Variants in HDHD2 observed in about 807,000 individuals in gnomAD.
The protein encoded by HDHD2 is haloacid dehalogenase like hydrolase domain containing 2, also known as haloacid dehalogenase-like hydrolase domain-containing protein 2.
A neutral mutation model predicts 24.8 loss-of-function variants in HDHD2; 26 were observed. The observed-to-expected ratio is 1.05, with a 90% confidence interval of 0.77 to 1.45. The LOEUF is 1.45. HDHD2 is among the 40% of genes most tolerant of loss of function. The pLI is 0.00. For missense variants in HDHD2, 299 were observed against 313.4 expected, an observed-to-expected ratio of 0.95 and a Z score of 0.35; for synonymous variants, 128 against 114.9, an observed-to-expected ratio of 1.11 and a Z score of -0.73.
rs1241528892 is a variant in HDHD2 at position 47,130,397 on chromosome 18, G to C, written c.311-69C>G. The C allele has an allele frequency of 2.9e-6, 3 of 1,040,776 alleles. No homozygotes were observed. The African/African-American group carries it at 4.9e-5, about 17-fold the overall frequency. 64.5% of individuals were successfully genotyped at this position (1,040,776 alleles called of 1,614,324 possible). A position where few individuals can be genotyped will look rare whatever the true frequency, so the allele number is the denominator to read the frequency against. On this transcript the variant is annotated intron_variant, in intron 3 of 6. Transcript: ENST00000300605. ...AGCAATGTCACATTTTAAAAAAGTA[G>C]TCTTAGTCAATCAAGTGCAAACTTT...
At chr18:47,138,808 T>G (rs1351333458) in intron 1 of HDHD2, among the ~76,000 whole-genome samples, 1 of 152,232 alleles carries the variant, frequency 6.6e-6, no homozygotes, top group Non-Finnish European at 1.5e-5. Flanking sequence ...CAAAAGACCC[T>G]CATTCCAGAG....
At chr18:47,147,213 T>C (rs1423397306) in intron 1 of HDHD2, among the ~76,000 whole-genome samples, 1 of 152,148 alleles carries the variant, frequency 6.6e-6, no homozygotes, top group African/African-American at 2.4e-5. Context: ...ATGTATCTGA[T>C]GAAAGAGGGA....
intron 4 of HDHD2, among the ~76,000 whole-genome samples, chr18:47,121,140 T>C (rs1244029574): frequency 1.3e-5 from 2 of 148,682 alleles, no homozygotes; most frequent in Non-Finnish European, 3.0e-5. Flanking sequence ...AGCGCGATAA[T>C]GCAAAGTGCA....
rs964987687 is a variant in HDHD2, at chr18:47,115,397, T to C, written c.396-49A>G. 3 of 1,374,214 alleles carry C rather than the reference T, an allele frequency of 2.2e-6. No individual in the cohort carries two copies. The South Asian group carries it at 3.7e-5, about 17-fold the overall frequency. 85.1% of individuals were successfully genotyped at this position (1,374,214 alleles called of 1,614,324 possible). ...AACAAATTGGCTAAAAGCAAGGCTT[T>C]TATGACTGGGAACGAATGTCAGACT... On this transcript the variant is annotated intron_variant, in intron 4 of 6. Coordinates refer to ENST00000300605, the MANE Select transcript of HDHD2 (RefSeq NM_032124.5).
chr18:47,113,364 G>T (rs578252342), intron 5 of HDHD2, among the ~76,000 whole-genome samples: 1 of 152,288 alleles, frequency 6.6e-6, no homozygotes, highest in South Asian at 2.1e-4. Context: ...ACAGATCATG[G>T]AAAAATGCAT....
At chr18:47,112,764 C>T (rs1281876304) in intron 6 of HDHD2, among the ~76,000 whole-genome samples, 1 of 152,186 alleles carries the variant, frequency 6.6e-6, no homozygotes, top group Non-Finnish European at 1.5e-5. Context: ...TGGGAAAGTA[C>T]TAAAGTACCT....
intron 4 of HDHD2, among the ~76,000 whole-genome samples, chr18:47,123,799 T>C (rs753249435): frequency 6.6e-6 from 1 of 152,234 alleles, no homozygotes; most frequent in Non-Finnish European, 1.5e-5. Flanking sequence ...ATGTACATAC[T>C]GTCCAAATCC....
At chr18:47,146,619 A>G (rs1331412759) in intron 1 of HDHD2, among the ~76,000 whole-genome samples, 1 of 152,246 alleles carries the variant, frequency 6.6e-6, no homozygotes, top group Non-Finnish European at 1.5e-5. Flanking sequence ...AGAATGGATA[A>G]ATAAGTTGTG....
At chr18:47,109,850 G>A in intron 6 of HDHD2, 2 of 336,276 alleles carry the variant, frequency 5.9e-6, no homozygotes, top group Non-Finnish European at 8.5e-6. Context: ...AGAAGACTAA[G>A]TTATTTGAGA....
At chr18:47,121,265 C>T (rs1401293246) in intron 4 of HDHD2, among the ~76,000 whole-genome samples, 2 of 152,116 alleles carry the variant, frequency 1.3e-5, no homozygotes, top group African/African-American at 2.4e-5. Context: ...CAAACACCTA[C>T]CATATGTCCA....
intron 6 of HDHD2, chr18:47,111,416 A>C (rs1411198824): frequency 1.0e-6 from 1 of 983,344 alleles, no homozygotes; most frequent in African/African-American, 1.7e-5. Flanking sequence ...TCATGGGAAT[A>C]ATACACAAGA....
intron 1 of HDHD2, among the ~76,000 whole-genome samples, chr18:47,138,666 A>G (rs1260072280): frequency 6.6e-6 from 1 of 152,244 alleles, no homozygotes; most frequent in African/African-American, 2.4e-5. Context: ...ATATATAAAT[A>G]TACAAAATGA....
At chr18:47,111,095 A>G in intron 6 of HDHD2, 1 of 985,420 alleles carries the variant, frequency 1.0e-6, no homozygotes, top group Non-Finnish European at 1.2e-6. Context: ...AGGGTTATTC[A>G]TGATTTTTCT....
At chr18:47,150,188 G>C (rs1313287136) in intron 1 of HDHD2, 190 bp downstream of exon 1, 1 of 152,340 alleles carries the variant, frequency 6.6e-6, no homozygotes, top group Non-Finnish European at 1.5e-5. Context: ...CGCACGCGCG[G>C]GGCCACTGCA....
At chr18:47,108,856 C>A in intron 6 of HDHD2, 71 bp from the exon 7 acceptor site, 1 of 862,168 alleles carries the variant, frequency 1.2e-6, no homozygotes, top group Non-Finnish European at 2.0e-6. Context: ...CCCATGAGCA[C>A]CTGGGTCATC....
Position 47,119,817 on chromosome 18 carries a change from T to C in HDHD2, c.396-4469A>G, listed in dbSNP as rs2576032. On this transcript the variant is annotated intron_variant, in intron 4 of 6. Coordinates refer to ENST00000300605, the MANE Select transcript of HDHD2 (RefSeq NM_032124.5). ...GGCCTTACAAAATATATTTTTTAAA[T>C]AGTAAGACTTGAAAGTCAAAACGAC... Among the ~76,000 whole-genome samples the C allele has an allele frequency of 6.9e-3, 1,051 of 152,316 alleles. 10 individuals are homozygous for C. The highest frequency in any genetic ancestry group is 0.028 in the East Asian group (143 of 5,182).
At chr18:47,115,814 G>C (rs1434296596) in intron 4 of HDHD2, among the ~76,000 whole-genome samples, 1 of 152,084 alleles carries the variant, frequency 6.6e-6, no homozygotes, top group Admixed American at 6.5e-5. Flanking sequence ...ACTCCAAAAT[G>C]TAAGTTTCTT....
Position 47,134,501 on chromosome 18 carries a change from A to G in HDHD2, c.305T>C (p.Phe102Ser), listed in dbSNP as rs756058715. The G allele has an allele frequency of 6.2e-7, 1 of 1,612,222 alleles. No homozygotes were observed. Among genetic ancestry groups the G allele is most frequent in the Non-Finnish European group, 8.5e-7 (1 of 1,178,520 alleles). The change falls in exon 3 of 7, where the codon TTC becomes TCC. Residue 102 changes from phenylalanine (F) to serine (S), a missense_variant. Coordinates refer to ENST00000300605, the MANE Select transcript of HDHD2 (RefSeq NM_032124.5). The stretch of plus-strand genomic sequence containing the variant: ...ATTTTCCAAATTTCCCCTACCTTTG[A>G]AATCAGGTAGTGCCCGATCATCAAC... ...LLVDDRALPD[F>S]KGIQTSDPNA...
intron 4 of HDHD2, among the ~76,000 whole-genome samples, chr18:47,121,279 T>G (rs1343715930): frequency 6.6e-6 from 1 of 152,160 alleles, no homozygotes; most frequent in Non-Finnish European, 1.5e-5. Context: ...ATGTCCAACG[T>G]CAAACTGGTA....
Sources: allele counts gnomAD v4.1 joint callset (sites outside exome capture counted in the v4.1 genomes callset), GRCh38; gene constraint gnomAD v4.1.1; transcripts MANE v1.5; gene names NCBI Gene and HGNC (gene_info 2026-07-23, HGNC 2026-07-21).